The following GRAMD4 variants were observed in gnomAD, a reference collection of about 807,000 sequenced individuals.
GRAMD4 encodes GRAM domain-containing protein 4.
A neutral mutation model predicts 83.9 loss-of-function variants in GRAMD4; 25 were observed. That is an observed-to-expected ratio of 0.30 (90% confidence interval 0.22 to 0.42). The LOEUF (loss-of-function observed/expected upper bound fraction) is 0.42, where lower values mean the gene tolerates loss of function less well. Ranked by LOEUF, GRAMD4 falls within the 10% of genes least tolerant of loss-of-function variation. GRAMD4 has a pLI of 1.00. For synonymous variants in GRAMD4, 336 were observed against 320.9 expected (o/e 1.05, Z -0.50); for missense variants, 593 against 788.7 (o/e 0.75, Z 2.97).
intron 1 of GRAMD4, among the ~76,000 whole-genome samples, chr22:46,582,172 C>A (rs896806322): frequency 2.0e-5 from 3 of 152,060 alleles, no homozygotes; most frequent in African/African-American, 7.2e-5. Flanking sequence ...GAAGTGAGGT[C>A]CAAGGAGGCA....
At chr22:46,680,440 G>A (rs1449132021), downstream of GRAMD4, among the ~76,000 whole-genome samples, 1 of 151,926 alleles carries the variant, frequency 6.6e-6, no homozygotes, top group Non-Finnish European at 1.5e-5. Context: ...CGGAAACTAG[G>A]TCTAGTGGGC....
chr22:46,576,418 G>A (rs1357047360), upstream of GRAMD4, among the ~76,000 whole-genome samples: 1 of 152,190 alleles, frequency 6.6e-6, no homozygotes, highest in African/African-American at 2.4e-5. Flanking sequence ...GGGGATAGGT[G>A]GGCTTAGAGT....
At chr22:46,578,676 G>T (rs1202107397) in intron 1 of GRAMD4, among the ~76,000 whole-genome samples, 3 of 152,192 alleles carry the variant, frequency 2.0e-5, no homozygotes, top group Non-Finnish European at 4.4e-5. Flanking sequence ...CCTCTGCCCC[G>T]TGCTGGGGTG....
chr22:46,663,178 G>C lies in GRAMD4; in HGVS notation c.599+6G>C. On this transcript the variant is annotated splice_donor_region_variant and intron_variant, in intron 6 of 18. Transcript: ENST00000406902. ...GAACCCCTGAGCGCCCGCAGGTAGG[G>C]GTTCGCCGAGCTGGGGCTGCCTGTG... 1 of 1,609,446 alleles carries C rather than the reference G, an allele frequency of 6.2e-7. No homozygotes were observed. The highest frequency in any genetic ancestry group is 8.5e-7 in the Non-Finnish European group (1 of 1,177,774).
At chr22:46,667,429 A>AT (rs1291499573) in intron 10 of GRAMD4, among the ~76,000 whole-genome samples, 1 of 152,228 alleles carries the variant, frequency 6.6e-6, no homozygotes, top group East Asian at 1.9e-4. Context: ...AGACACACCC[A>AT]TTCATTTACA....
chr22:46,661,589 G>T, intron 5 of GRAMD4, 147 bp downstream of exon 5: 1 of 631,598 alleles, frequency 1.6e-6, no homozygotes, highest in Non-Finnish European at 2.8e-6. Flanking sequence ...TCTGTGCCCA[G>T]GCACCTGCTG....
At chr22:46,650,398 A>AGGAGGGCTGAGCATTGAGGCTGGGT (rs1479427182) in intron 3 of GRAMD4, among the ~76,000 whole-genome samples, 8 of 144,202 alleles carry the variant, frequency 5.5e-5, no homozygotes, top group Admixed American at 4.1e-4. Flanking sequence ...CGAGGCTGGG[A>AGGAGGGCTGAGCATTGAGGCTGGGT]GGAGGGCTGA....
chr22:46,581,599 A>G (rs968640341), intron 1 of GRAMD4, among the ~76,000 whole-genome samples: 1 of 152,272 alleles, frequency 6.6e-6, no homozygotes, highest in Non-Finnish European at 1.5e-5. Context: ...TGCAGTAAAT[A>G]GCAAGATTCG....
chr22:46,671,759 G>A (rs955867396), intron 13 of GRAMD4, among the ~76,000 whole-genome samples: 1 of 150,894 alleles, frequency 6.6e-6, no homozygotes, highest in Non-Finnish European at 1.5e-5. Flanking sequence ...AGAATCGCTT[G>A]AACCCGGGAG....
chr22:46,679,267 C>T lies in GRAMD4; in HGVS notation c.*2016C>T. On this transcript the variant is annotated 3_prime_UTR_variant, in exon 19 of 19. Transcript: ENST00000406902. ...GGAGGGGTCCCTGGGGCAGATGGGG[C>T]TTTACCAGCGTCGGGTGGTTTAGTT... is the stretch of plus-strand genomic sequence containing the variant. The T allele has an allele frequency of 1.0e-6, 1 of 985,494 alleles. No individual in the cohort carries two copies. Among genetic ancestry groups the T allele is most frequent in the Non-Finnish European group, 1.2e-6 (1 of 829,962 alleles). 61.0% of individuals were successfully genotyped at this position (985,494 alleles called of 1,614,324 possible).
chr22:46,670,895 G>A (rs545962712), intron 13 of GRAMD4, among the ~76,000 whole-genome samples: 147 of 150,032 alleles, frequency 9.8e-4, no homozygotes, highest in African/African-American at 3.1e-3. Context: ...GAGCCACTGC[G>A]CCCGGCCCCT....
At chr22:46,648,401 A>T (rs1341599346) in intron 3 of GRAMD4, among the ~76,000 whole-genome samples, 1 of 143,078 alleles carries the variant, frequency 7.0e-6, no homozygotes, top group Non-Finnish European at 1.5e-5. Flanking sequence ...TGAATGGCAG[A>T]GGGATGGGTA....
chr22:46,662,890 C>T, intron 5 of GRAMD4, 150 bp from the exon 6 acceptor site: 1 of 674,696 alleles, frequency 1.5e-6, no homozygotes, highest in Non-Finnish European at 2.5e-6. Context: ...AGGGACCCTT[C>T]ATTTCCCTGA....
At chr22:46,617,600 G>A (rs922107834), upstream of GRAMD4, among the ~76,000 whole-genome samples, 1 of 152,106 alleles carries the variant, frequency 6.6e-6, no homozygotes, top group Non-Finnish European at 1.5e-5. Flanking sequence ...CCAGGCCTGG[G>A]CAGGATCCCA....
chr22:46,640,999 T>C (rs968698522), intron 3 of GRAMD4, among the ~76,000 whole-genome samples: 2 of 152,122 alleles, frequency 1.3e-5, no homozygotes, highest in Non-Finnish European at 2.9e-5. Context: ...CAACTTAAGC[T>C]CAAATTTCCC....
intron 1 of GRAMD4, among the ~76,000 whole-genome samples, chr22:46,578,556 GC>G (rs1352032495): frequency 1.3e-5 from 2 of 152,222 alleles, no homozygotes; most frequent in African/African-American, 4.8e-5. Flanking sequence ...CATGGCCTCT[GC>G]CCCGGGCGCT....
intron 1 of GRAMD4, among the ~76,000 whole-genome samples, chr22:46,588,255 C>T (rs2081170846): frequency 6.6e-6 from 1 of 151,976 alleles, no homozygotes; most frequent in Non-Finnish European, 1.5e-5. Flanking sequence ...TGCCCAGCGT[C>T]CCCCACAACC....
At chr22:46,680,736 A>G (rs1601700840), downstream of GRAMD4, among the ~76,000 whole-genome samples, 1 of 69,554 alleles carries the variant, frequency 1.4e-5, no homozygotes, top group African/African-American at 6.7e-5. Context: ...CCATCCATCC[A>G]CCCACCCATC....
In GRAMD4 at chr22:46,666,886, AG is replaced by A; in HGVS notation, c.858+16del. The A allele has an allele frequency of 6.4e-7, 1 of 1,568,668 alleles. No homozygotes were observed. The highest frequency in any genetic ancestry group is 1.2e-5 in the South Asian group (1 of 85,638). On this transcript the variant is annotated intron_variant, in intron 10 of 18. Coordinates refer to ENST00000406902, the MANE Select transcript of GRAMD4 (RefSeq NM_015124.5). ...GTCTGAGCCCGTGGTAAGTCCCTGG[AG>A]GGTGCACGGTCTCCTCCGACTGTCT...
Sources: allele counts gnomAD v4.1 joint callset (sites outside exome capture counted in the v4.1 genomes callset), GRCh38; gene constraint gnomAD v4.1.1; transcripts MANE v1.5; gene names NCBI Gene and HGNC (gene_info 2026-07-23, HGNC 2026-07-21).